Variants in EVC2 observed in about 807,000 individuals in gnomAD.
EVC2 encodes the protein limbin.
Under a neutral mutation model 149.3 loss-of-function variants are expected in EVC2, and 148 were observed. That is an observed-to-expected ratio of 0.99 (90% confidence interval 0.87 to 1.14). The LOEUF is 1.14. EVC2 is among the 50% of genes most tolerant of loss of function. The probability of loss-of-function intolerance (pLI) is 0.00; values close to 1 mark genes in which losing one functional copy is unlikely to be tolerated. For missense variants in EVC2, 1,854 were observed against 1,627.3 expected (o/e 1.14, Z -2.40); for synonymous variants, 776 against 649.9 (o/e 1.19, Z -2.95).
Position 5,613,790 on chromosome 4 carries a change from T to G in EVC2, c.2829+1632A>C, listed in dbSNP as rs1320502429. Among the ~76,000 whole-genome samples the G allele has an allele frequency of 6.6e-6, 1 of 152,166 alleles. No homozygotes were observed. Among genetic ancestry groups the G allele is most frequent in the Non-Finnish European group, 1.5e-5 (1 of 68,032 alleles). ...ATTTTGCCTCTATCTGCCTAATCTT[T>G]GTCTTGCTGTTCAATTTCATATAGA... On this transcript the variant is annotated intron_variant, in intron 16 of 21. Transcript: ENST00000344408. The surrounding 1 kb of genome is among the most constrained non-coding windows in gnomAD (Gnocchi z 4.6).
chr4:5,666,841 C>T (rs187372915), intron 7 of EVC2, among the ~76,000 whole-genome samples: 4 of 152,026 alleles, frequency 2.6e-5, no homozygotes, highest in Admixed American at 1.3e-4. Context: ...CAAGTAAGTT[C>T]GTTTGGAGAA....
At chr4:5,671,504 A>G (rs1258685893) in intron 7 of EVC2, among the ~76,000 whole-genome samples, 1 of 152,108 alleles carries the variant, frequency 6.6e-6, no homozygotes, top group African/African-American at 2.4e-5. Flanking sequence ...ATTTCAAACA[A>G]TACTTTATTT....
chr4:5,684,136 C>T (rs914280612), intron 6 of EVC2, among the ~76,000 whole-genome samples: 2 of 152,156 alleles, frequency 1.3e-5, no homozygotes, highest in African/African-American at 4.8e-5. Flanking sequence ...TTCTTCTGGA[C>T]CATTTTATCC....
chr4:5,599,332 C>A (rs934658426), intron 16 of EVC2, among the ~76,000 whole-genome samples: 6 of 151,854 alleles, frequency 4.0e-5, no homozygotes, highest in Non-Finnish European at 8.8e-5. Context: ...AAATGGCCAA[C>A]AATGATAGAC....
intron 21 of EVC2, among the ~76,000 whole-genome samples, chr4:5,555,017 CGT>C (rs35387388): frequency 0.039 from 5,763 of 148,890 alleles, 128 homozygotes; most frequent in South Asian, 0.092. Context: ...AGAGAGGAAG[CGT>C]GTGTGTGTGT....
chr4:5,697,060 T>C (rs1560235328), intron 2 of EVC2, among the ~76,000 whole-genome samples: 1 of 152,188 alleles, frequency 6.6e-6, no homozygotes, highest in Non-Finnish European at 1.5e-5. Context: ...TGCTGCTAGC[T>C]TCCAAAATGG....
intron 8 of EVC2, 146 bp from the exon 9 acceptor site, chr4:5,663,392 T>G (rs1307570311): frequency 9.5e-7 from 1 of 1,052,096 alleles, no homozygotes; most frequent in African/African-American, 1.6e-5. Flanking sequence ...CAGACAAGCT[T>G]TTGCGAATGT....
intron 16 of EVC2, among the ~76,000 whole-genome samples, chr4:5,596,543 C>T (rs551016468): frequency 5.3e-5 from 8 of 152,062 alleles, no homozygotes; most frequent in Admixed American, 5.2e-4. Context: ...CACAACATAC[C>T]AGAATCTCTG....
intron 11 of EVC2, 43 bp downstream of exon 11, chr4:5,631,750 T>C (rs1181945628): frequency 1.2e-6 from 2 of 1,610,392 alleles, no homozygotes; most frequent in Non-Finnish European, 1.7e-6. Flanking sequence ...CTGAAACAAT[T>C]CAGAAAAATT....
rs146658261 is a variant in EVC2, at chr4:5,689,332, C to T, written c.531G>A (p.Ser177=). ...IFQKCALVSG[S]SEAQTARIWL... is the part of the protein sequence containing the mutation. Reference sequence around the variant, plus strand: ...ATATGCGGGCTGTCTGTGCTTCACTCGACCCAGACACCTAGGGCAGAAGGA... The same window carrying T: ...ATATGCGGGCTGTCTGTGCTTCACTTGACCCAGACACCTAGGGCAGAAGGA... The change falls in exon 5 of 22, where the codon TCG becomes TCA. Residue 177 remains serine, a synonymous_variant. Coordinates refer to ENST00000344408, the MANE Select transcript of EVC2 (RefSeq NM_147127.5). 75 of 1,613,966 alleles carry T rather than the reference C, an allele frequency of 4.6e-5. 1 individual carries two copies. In the Middle Eastern group the frequency reaches 8.3e-4, roughly 18 times the overall value.
intron 16 of EVC2, among the ~76,000 whole-genome samples, chr4:5,609,915 T>C (rs1359943680): frequency 6.6e-6 from 1 of 152,116 alleles, no homozygotes; most frequent in African/African-American, 2.4e-5. Context: ...TCCACATCCA[T>C]AAAACAGGGA....
At chr4:5,655,876 A>T (rs73065623) in intron 9 of EVC2, among the ~76,000 whole-genome samples, 3,166 of 152,058 alleles carry the variant, frequency 0.021, 104 homozygotes, top group African/African-American at 0.072. Flanking sequence ...CGTAAAACTG[A>T]CCACCACCCC....
chr4:5,694,810 C>T (rs1400672966), intron 2 of EVC2, among the ~76,000 whole-genome samples: 1 of 152,178 alleles, frequency 6.6e-6, no homozygotes, highest in African/African-American at 2.4e-5. Context: ...ACACACATGA[C>T]ATTAGACAGC....
At chr4:5,540,505 A>T (rs1721492814), downstream of EVC2, among the ~76,000 whole-genome samples, 1 of 152,264 alleles carries the variant, frequency 6.6e-6, no homozygotes. Context: ...TGAACCATTG[A>T]TACATGCGAC....
At chr4:5,692,878 AAAAAAAAAAAAAG>A (rs1228813493) in intron 3 of EVC2, among the ~76,000 whole-genome samples, 5 of 136,940 alleles carry the variant, frequency 3.7e-5, no homozygotes, top group East Asian at 4.2e-4. Flanking sequence ...CGTCTCAAAA[AAAAAAAAAAAAAG>A]AAAAAAGAAA....
At chr4:5,593,063 G>A (rs1712976201) in intron 16 of EVC2, among the ~76,000 whole-genome samples, 1 of 152,170 alleles carries the variant, frequency 6.6e-6, no homozygotes, top group Non-Finnish European at 1.5e-5. Context: ...CTGCTGCCAT[G>A]TGAAGAAGTA....
At chr4:5,681,167 G>A in intron 7 of EVC2, 93 bp downstream of exon 7, 1 of 1,436,044 alleles carries the variant, frequency 7.0e-7, no homozygotes, top group Non-Finnish European at 9.8e-7. Flanking sequence ...ACCAAGGCCA[G>A]CAGCTGGCCG....
chr4:5,555,094 G>A (rs955263815), intron 21 of EVC2, among the ~76,000 whole-genome samples: 7 of 151,880 alleles, frequency 4.6e-5, no homozygotes, highest in Non-Finnish European at 1.5e-5. Context: ...CTCCATAGTA[G>A]AAGGTCAATA....
the EVC2 span, among the ~76,000 whole-genome samples, chr4:5,529,268 C>G: frequency 2.0e-5 from 3 of 152,138 alleles, no homozygotes; most frequent in African/African-American, 7.2e-5. This position sits in a 1 kb window ranked among gnomAD's most constrained non-coding sequence, Gnocchi z 4.5. Flanking sequence ...GTACATGGGT[C>G]AATTCAGCCT....
Sources: allele counts gnomAD v4.1 joint callset (sites outside exome capture counted in the v4.1 genomes callset), GRCh38; gene constraint gnomAD v4.1.1; non-coding constraint Gnocchi (gnomAD v3.1); transcripts MANE v1.5; gene names NCBI Gene and HGNC (gene_info 2026-07-23, HGNC 2026-07-21).